TBXAS1: variants seen among roughly 807,000 people sequenced by gnomAD.
TBXAS1 encodes the protein thromboxane A synthase 1, also known as thromboxane-A synthase.
In TBXAS1, 48 loss-of-function variants were observed where a neutral mutation model predicts 60.7. That is an observed-to-expected ratio of 0.79 (90% CI 0.63 to 1.01). The LOEUF (loss-of-function observed/expected upper bound fraction) is 1.01, where lower values mean the gene tolerates loss of function less well. Ranked by LOEUF, TBXAS1 falls within the 50% of genes least tolerant of loss-of-function variation. The probability of loss-of-function intolerance (pLI) is 0.00; values close to 1 mark genes in which losing one functional copy is unlikely to be tolerated. For synonymous variants in TBXAS1, 287 were observed against 269.7 expected, an observed-to-expected ratio of 1.06 and a Z score of -0.63; for missense variants, 685 against 686.3, an observed-to-expected ratio of 1.00 and a Z score of 0.02.
At chr7:139,844,930 T>C (rs1799700228) in intron 1 of TBXAS1, among the ~76,000 whole-genome samples, 1 of 152,158 alleles carries the variant, frequency 6.6e-6, no homozygotes, top group South Asian at 2.1e-4. Context: ...ATTTCCTCAT[T>C]GGTGAGAGAG....
At chr7:139,860,312 C>A (rs1230638055) in intron 1 of TBXAS1, among the ~76,000 whole-genome samples, 1 of 151,970 alleles carries the variant, frequency 6.6e-6, no homozygotes, top group Non-Finnish European at 1.5e-5. Flanking sequence ...TCTGTAGAAA[C>A]AGGAAGCTCA....
At chr7:139,992,256 G>A (rs1187897317) in intron 9 of TBXAS1, among the ~76,000 whole-genome samples, 1 of 152,236 alleles carries the variant, frequency 6.6e-6, no homozygotes, top group Non-Finnish European at 1.5e-5. Flanking sequence ...CCAGGTCCAT[G>A]GAAGATAAGA....
intron 3 of TBXAS1, among the ~76,000 whole-genome samples, chr7:139,905,007 CTTTCTTTCTTTCTTTCTTTCT>C (rs1804895202): frequency 1.6e-5 from 1 of 61,670 alleles, no homozygotes; most frequent in South Asian, 6.8e-4. Context: ...CTCTTTCTCT[CTTTCTTTCTTTCTTTCTTTCT>C]TTCTTTCTTT....
rs1432205410 is a variant in TBXAS1 at position 139,961,847 on chromosome 7, T to C, written c.820-72T>C. ...AGCTATGCCCATGTATCTTCCTCCT[T>C]TGTTCTCCAGGAAGCCTCACTCTTC... On this transcript the variant is annotated intron_variant, in intron 8 of 12. Coordinates refer to ENST00000448866, the MANE Select transcript of TBXAS1 (RefSeq NM_001061.7). 3.8e-6 allele frequency: 6 copies of C among 1,578,824 alleles called. No individual in the cohort carries two copies. The East Asian group carries it at 1.3e-4, about 35-fold the overall frequency.
intron 9 of TBXAS1, among the ~76,000 whole-genome samples, chr7:139,990,873 C>T (rs1180239573): frequency 6.6e-6 from 1 of 152,180 alleles, no homozygotes; most frequent in Non-Finnish European, 1.5e-5. Context: ...GGAGGGACTC[C>T]AGTCCAGTGT....
chr7:139,968,144 CCTCA>C (rs2117421751), intron 9 of TBXAS1, among the ~76,000 whole-genome samples: 1 of 152,318 alleles, frequency 6.6e-6, no homozygotes, highest in South Asian at 2.1e-4. Flanking sequence ...CAAAGGTCTC[CCTCA>C]CTATCGGGGA....
intron 9 of TBXAS1, among the ~76,000 whole-genome samples, chr7:139,979,727 CAAT>C (rs58553105): frequency 0.42 from 58,381 of 139,418 alleles, 12,356 homozygotes; most frequent in Non-Finnish European, 0.45. Context: ...GATTCCATCT[CAAT>C]AATAATAATA....
chr7:140,014,472 T>A (rs577179748), intron 10 of TBXAS1, among the ~76,000 whole-genome samples: 226 of 152,088 alleles, frequency 1.5e-3, no homozygotes, highest in Middle Eastern at 3.4e-3. Flanking sequence ...GCAGACGAAA[T>A]CCCTGGGAAG....
chr7:139,885,786 A>G (rs1416909953), intron 3 of TBXAS1, among the ~76,000 whole-genome samples: 1 of 152,240 alleles, frequency 6.6e-6, no homozygotes, highest in Non-Finnish European at 1.5e-5. Context: ...TCCTTGCTTG[A>G]TTAAAAACCA....
intron 3 of TBXAS1, among the ~76,000 whole-genome samples, chr7:139,893,417 C>T (rs1419950720): frequency 1.3e-5 from 2 of 151,308 alleles, no homozygotes; most frequent in Non-Finnish European, 2.9e-5. Context: ...AACGTGTGGG[C>T]AAAAATATTC....
At position 139,916,725 on chromosome 7, in the gene TBXAS1, T is replaced by A. The variant is rs1337021289; in HGVS notation, c.333+5404T>A. Reference sequence around the variant, plus strand: ...CCTGTCCTCTGTATCTGCAGCAGCCTCCTATCGAAGGAAGAAAAGAGTATG... The same window carrying A: ...CCTGTCCTCTGTATCTGCAGCAGCCACCTATCGAAGGAAGAAAAGAGTATG... On this transcript the variant is annotated intron_variant, in intron 4 of 12. Transcript: ENST00000448866. This position sits in a 1 kb window ranked among gnomAD's most constrained non-coding sequence, Gnocchi z 4.2. Among the ~76,000 whole-genome samples the A allele has an allele frequency of 6.6e-6, 1 of 152,176 alleles. No homozygotes were observed. The highest frequency in any genetic ancestry group is 1.5e-5 in the Non-Finnish European group (1 of 68,030).
In TBXAS1 at chr7:139,903,143, T is replaced by C. The variant is rs186873732; in HGVS notation, c.237-8082T>C. ...CCCAAAGTCCATTGTATCATTCGTA[T>C]GCCTTTGTGTCCTCATAGCTTAGTT... On this transcript the variant is annotated intron_variant, in intron 3 of 12. Coordinates refer to ENST00000448866, the MANE Select transcript of TBXAS1 (RefSeq NM_001061.7). Among the ~76,000 whole-genome samples the C allele has an allele frequency of 1.1e-4, 16 of 152,238 alleles. No homozygotes were observed. In the East Asian group the frequency reaches 3.1e-3, roughly 29 times the overall value.
intron 8 of TBXAS1, among the ~76,000 whole-genome samples, chr7:139,958,452 T>C (rs1008215443): frequency 1.3e-5 from 2 of 152,230 alleles, no homozygotes; most frequent in Non-Finnish European, 2.9e-5. Flanking sequence ...GATATGCATA[T>C]GCATATGTAA....
rs1399332373 is a variant in TBXAS1, at chr7:139,936,326, A to G, written c.450+19A>G. ...GAACGAGGTAAGACATGAGAAATGC[A>G]AACTCTCTTCTCTTACGGAGCAGGT... On this transcript the variant is annotated intron_variant, in intron 5 of 12. Transcript: ENST00000448866. 2.5e-6 allele frequency: 4 copies of G among 1,609,538 alleles called. No homozygotes were observed. The East Asian group carries it at 8.9e-5, about 36-fold the overall frequency.
intron 5 of TBXAS1, among the ~76,000 whole-genome samples, chr7:139,946,454 T>G (rs2117263993): frequency 6.6e-6 from 1 of 152,378 alleles, no homozygotes; most frequent in Admixed American, 6.5e-5. Context: ...ATAGTCTTTT[T>G]TCTCAAGAAG....
chr7:139,967,649 A>T (rs1460466369), intron 9 of TBXAS1, among the ~76,000 whole-genome samples: 1 of 152,164 alleles, frequency 6.6e-6, no homozygotes, highest in African/African-American at 2.4e-5. Flanking sequence ...GACTTGGGTC[A>T]TGTGCCCCAT....
chr7:140,007,234 C>G, intron 10 of TBXAS1, 52 bp downstream of exon 10: 1 of 1,530,508 alleles, frequency 6.5e-7, no homozygotes, highest in Non-Finnish European at 9.1e-7. Flanking sequence ...ACCCCTACCC[C>G]CTGCCCCAGC....
chr7:139,989,609 A>G (rs1812745792), intron 9 of TBXAS1, among the ~76,000 whole-genome samples: 1 of 152,136 alleles, frequency 6.6e-6, no homozygotes, highest in Admixed American at 6.5e-5. Flanking sequence ...CACCCAGTTG[A>G]GCTGGGAAGA....
rs935306410 is a variant in TBXAS1, at chr7:139,904,357, T to A, written c.237-6868T>A. On this transcript the variant is annotated intron_variant, in intron 3 of 12. Transcript: ENST00000448866. The stretch of plus-strand genomic sequence containing the variant: ...TGTTTTGGTAGCTATGGCCTTATAG[T>A]ATAGTTTGAAATCAGATAGTGAGAT... 2.0e-5 allele frequency among the ~76,000 whole-genome samples: 3 copies of A among 152,100 alleles called. 1 individual carries two copies. Among genetic ancestry groups the A allele is most frequent in the African/African-American group, 7.3e-5 (3 of 41,332 alleles).
Sources: gnomAD v4.1 joint callset for allele counts (sites outside exome capture counted in the v4.1 genomes callset) on GRCh38, gnomAD v4.1.1 for gene constraint, Gnocchi (gnomAD v3.1) non-coding constraint, MANE v1.5 for transcripts, NCBI Gene and HGNC (gene_info 2026-07-23, HGNC 2026-07-21) for gene names.